The following BABAM2 variants were observed in gnomAD, a reference collection of about 807,000 sequenced individuals.
BABAM2 encodes the protein BRISC and BRCA1 A complex member 2.
Under a neutral mutation model 54.7 loss-of-function variants are expected in BABAM2, and 31 were observed. That is an observed-to-expected ratio of 0.57 (90% CI 0.43 to 0.77). BABAM2 has a LOEUF of 0.77. Ranked by LOEUF, BABAM2 falls within the 30% of genes least tolerant of loss-of-function variation. The pLI, the probability that BABAM2 is intolerant of heterozygous loss-of-function variation, is 0.00. For missense variants in BABAM2, 364 were observed against 455.8 expected (o/e 0.80, Z 1.83); for synonymous variants, 167 against 162.9 (o/e 1.03, Z -0.19).
chr2:28,101,155 A>G (rs369914783), intron 6 of BABAM2, among the ~76,000 whole-genome samples: 2 of 152,174 alleles, frequency 1.3e-5, no homozygotes, highest in African/African-American at 4.8e-5. Flanking sequence ...CAGGTTTTAA[A>G]TAACTTATCC....
At chr2:28,013,658 C>T (rs1194281804) in intron 4 of BABAM2, among the ~76,000 whole-genome samples, 5 of 119,762 alleles carry the variant, frequency 4.2e-5, no homozygotes, top group Non-Finnish European at 6.9e-5. Flanking sequence ...TGATTTTGTC[C>T]AGCAAGTAAA....
chr2:28,163,149 C>T (rs1673270364), intron 7 of BABAM2, among the ~76,000 whole-genome samples: 1 of 151,996 alleles, frequency 6.6e-6, no homozygotes. Flanking sequence ...TCTTTTGTGG[C>T]CAGCCTAGTG....
intron 11 of BABAM2, among the ~76,000 whole-genome samples, chr2:28,305,092 G>A (rs1294546562): frequency 1.3e-5 from 2 of 152,146 alleles, no homozygotes; most frequent in Non-Finnish European, 2.9e-5. Context: ...AGGACCTCCA[G>A]TACAATTTTT....
At chr2:28,136,825 A>G (rs1184376962) in intron 7 of BABAM2, among the ~76,000 whole-genome samples, 1 of 152,190 alleles carries the variant, frequency 6.6e-6, no homozygotes, top group African/African-American at 2.4e-5. Context: ...GATAAAGTGA[A>G]ACTTGGCTAA....
At chr2:28,001,046 C>G (rs1673544159) in intron 4 of BABAM2, among the ~76,000 whole-genome samples, 1 of 152,134 alleles carries the variant, frequency 6.6e-6, no homozygotes, top group South Asian at 2.1e-4. Flanking sequence ...GATCTTAGTG[C>G]CAGATGTGCT....
At chr2:28,115,940 C>A (rs376803243) in intron 6 of BABAM2, among the ~76,000 whole-genome samples, 28 of 151,956 alleles carry the variant, frequency 1.8e-4, no homozygotes, top group African/African-American at 6.5e-4. Context: ...CACGAAGAAA[C>A]CACCTCTCTA....
rs397735161 is a variant in BABAM2 at position 28,040,294 on chromosome 2, C to CTTTTTTTTTTTTTTTTTTT, written c.496-5425_496-5407dup. Among the ~76,000 whole-genome samples the CTTTTTTTTTTTTTTTTTTT allele has an allele frequency of 3.3e-3, 198 of 59,484 alleles. 26 individuals are homozygous for CTTTTTTTTTTTTTTTTTTT. The highest frequency in any genetic ancestry group is 0.013 in the Middle Eastern group (1 of 78). The allele number at this position is 59,484 out of a possible 152,430, so 39.0% of individuals were successfully genotyped here. ...CAGTGCCAGAATGAAAAACTGAATT[C>CTTTTTTTTTTTTTTTTTTT]TTTTTTTTTTTTTTTTTTTTTTTTG... On this transcript the variant is annotated intron_variant, in intron 5 of 11. Transcript: ENST00000379624.
At chr2:28,090,808 A>C (rs922952902) in intron 6 of BABAM2, among the ~76,000 whole-genome samples, 1 of 152,212 alleles carries the variant, frequency 6.6e-6, no homozygotes, top group Non-Finnish European at 1.5e-5. Context: ...TTAGAGGACA[A>C]GGGTTCAAGT....
chr2:27,930,967 C>T (rs1006551547), intron 3 of BABAM2, among the ~76,000 whole-genome samples: 19 of 152,184 alleles, frequency 1.2e-4, no homozygotes, highest in Non-Finnish European at 5.9e-5. Flanking sequence ...GGGTAAACCG[C>T]TTTTTGACCA....
At chr2:28,203,421 T>C (rs1678492308) in intron 7 of BABAM2, among the ~76,000 whole-genome samples, 1 of 152,172 alleles carries the variant, frequency 6.6e-6, no homozygotes, top group Admixed American at 6.5e-5. Context: ...TACTTTCTTG[T>C]GTGAGGGTGG....
intron 11 of BABAM2, among the ~76,000 whole-genome samples, chr2:28,328,648 A>G (rs1690685594): frequency 1.3e-5 from 2 of 152,222 alleles, no homozygotes; most frequent in East Asian, 1.9e-4. Flanking sequence ...CAAGTGAAGG[A>G]GGCTAACAGC....
intron 10 of BABAM2, among the ~76,000 whole-genome samples, chr2:28,290,764 A>C (rs778093434): frequency 8.5e-5 from 13 of 152,230 alleles, no homozygotes; most frequent in Admixed American, 6.5e-5. Flanking sequence ...AAATAGTAAA[A>C]GCTAAATCTT....
At chr2:27,951,082 A>G (rs1030763070) in intron 3 of BABAM2, among the ~76,000 whole-genome samples, 1 of 152,160 alleles carries the variant, frequency 6.6e-6, no homozygotes, top group African/African-American at 2.4e-5. Flanking sequence ...AAAAAGTGGT[A>G]AACATTTACT....
chr2:28,289,095 A>G (rs142565210), intron 10 of BABAM2, among the ~76,000 whole-genome samples: 11 of 152,038 alleles, frequency 7.2e-5, no homozygotes, highest in African/African-American at 2.4e-4. Flanking sequence ...ATTATGTAAA[A>G]CATATCCACA....
rs573709159 is a variant in BABAM2, at chr2:27,953,341, C to T, written c.205+23433C>T. On this transcript the variant is annotated intron_variant, in intron 3 of 11. Transcript: ENST00000379624. ...GGGTGGGAGGAGCCTGAGCTCCTCG[C>T]CTGGCTAATTTTTTTACTTTGTATA... 3.4e-4 allele frequency among the ~76,000 whole-genome samples: 52 copies of T among 152,116 alleles called. No individual in the cohort carries two copies. In the South Asian group the frequency reaches 0.01, roughly 30 times the overall value.
At chr2:27,961,924 CT>C (rs975671544) in intron 3 of BABAM2, among the ~76,000 whole-genome samples, 2 of 151,620 alleles carry the variant, frequency 1.3e-5, no homozygotes, top group African/African-American at 4.9e-5. Context: ...GAGATGGGGT[CT>C]CACTATGTTG....
chr2:28,165,559 G>T (rs1295126098), intron 7 of BABAM2, among the ~76,000 whole-genome samples: 1 of 98,208 alleles, frequency 1.0e-5, no homozygotes, highest in East Asian at 3.7e-4. Context: ...TTTTGAGACA[G>T]AGCCTTGCTC....
intron 3 of BABAM2, among the ~76,000 whole-genome samples, chr2:27,961,442 T>C (rs1670461565): frequency 6.6e-6 from 1 of 152,208 alleles, no homozygotes; most frequent in African/African-American, 2.4e-5. Flanking sequence ...AAATAGACTT[T>C]GTGTTAGATG....
At chr2:27,964,670 C>T (rs540645873) in intron 3 of BABAM2, among the ~76,000 whole-genome samples, 9 of 152,280 alleles carry the variant, frequency 5.9e-5, no homozygotes, top group African/African-American at 2.2e-4. Flanking sequence ...ACACATTACA[C>T]ACTGCTTGAA....
Sources: allele counts gnomAD v4.1 joint callset (sites outside exome capture counted in the v4.1 genomes callset), GRCh38; gene constraint gnomAD v4.1.1; transcripts MANE v1.5; gene names NCBI Gene and HGNC (gene_info 2026-07-23, HGNC 2026-07-21).